Variants in CNTN4 observed in about 807,000 individuals in gnomAD.
CNTN4 encodes contactin 4, also known as contactin-4.
Under a neutral mutation model 122.5 loss-of-function variants are expected in CNTN4, and 77 were observed. That is an observed-to-expected ratio of 0.63 (90% confidence interval 0.52 to 0.76). The LOEUF (loss-of-function observed/expected upper bound fraction) is 0.76. CNTN4 is among the 30% of genes least tolerant of loss of function. CNTN4 has a pLI of 0.00. For synonymous variants in CNTN4, 512 were observed against 447.0 expected, an observed-to-expected ratio of 1.15 and a Z score of -1.83; for missense variants, 1,256 against 1,259.1, an observed-to-expected ratio of 1.00 and a Z score of 0.04.
At chr3:2,556,287 G>C (rs187272744) in intron 3 of CNTN4, among the ~76,000 whole-genome samples, 1 of 152,096 alleles carries the variant, frequency 6.6e-6, no homozygotes, top group African/African-American at 2.4e-5. Flanking sequence ...TCACCTTAAC[G>C]TCTGTTTTAA....
At chr3:2,916,791 C>A (rs891312406) in intron 12 of CNTN4, among the ~76,000 whole-genome samples, 1 of 149,404 alleles carries the variant, frequency 6.7e-6, no homozygotes, top group Non-Finnish European at 1.5e-5. Context: ...GCAGAGGGGC[C>A]CCCCACCTCC....
intron 7 of CNTN4, among the ~76,000 whole-genome samples, chr3:2,859,101 C>G (rs888095718): frequency 1.3e-5 from 2 of 152,224 alleles, no homozygotes; most frequent in African/African-American, 4.8e-5. Flanking sequence ...CAATTCTACT[C>G]TCTGTTTCTA....
intron 15 of CNTN4, among the ~76,000 whole-genome samples, 194 bp downstream of exon 15, chr3:3,026,471 A>G (rs2125639234): frequency 6.6e-6 from 1 of 152,272 alleles, no homozygotes; most frequent in East Asian, 1.9e-4. Flanking sequence ...CTGCTCCCTA[A>G]CTGGCACCAA....
chr3:2,936,429 A>G (rs2094567719), intron 13 of CNTN4, among the ~76,000 whole-genome samples: 2 of 152,176 alleles, frequency 1.3e-5, no homozygotes, highest in African/African-American at 2.4e-5. Flanking sequence ...CTTGTTTCCC[A>G]TAGGATTTTA....
At chr3:2,963,949 T>C (rs369961170) in intron 13 of CNTN4, among the ~76,000 whole-genome samples, 1 of 152,280 alleles carries the variant, frequency 6.6e-6, no homozygotes, top group Non-Finnish European at 1.5e-5. Context: ...ACAGAATAAA[T>C]TGTCTTTTCC....
intron 13 of CNTN4, among the ~76,000 whole-genome samples, chr3:2,936,517 A>C (rs1341071727): frequency 6.6e-6 from 1 of 152,192 alleles, no homozygotes; most frequent in Non-Finnish European, 1.5e-5. Flanking sequence ...TGAGATGACC[A>C]GTAAGGCTCT....
chr3:2,358,511 G>A (rs1575453350), intron 3 of CNTN4, among the ~76,000 whole-genome samples: 1 of 151,646 alleles, frequency 6.6e-6, no homozygotes, highest in Non-Finnish European at 1.5e-5. Flanking sequence ...AGTTTTAATT[G>A]TAATCAAAAC....
At chr3:2,589,964 T>A (rs1184254506) in intron 4 of CNTN4, among the ~76,000 whole-genome samples, 2 of 152,122 alleles carry the variant, frequency 1.3e-5, no homozygotes, top group East Asian at 3.9e-4. Flanking sequence ...TATAAGCGAG[T>A]CATTATTTTC....
At chr3:2,494,146 T>C (rs907308770) in intron 3 of CNTN4, among the ~76,000 whole-genome samples, 1 of 152,134 alleles carries the variant, frequency 6.6e-6, no homozygotes, top group Non-Finnish European at 1.5e-5. Context: ...CTGTAAAATA[T>C]TGGAAAGGAT....
chr3:2,745,675 A>G lies in CNTN4; in HGVS notation c.336A>G (p.Arg112=). 1.2e-6 allele frequency: 2 copies of G among 1,614,126 alleles called. No homozygotes were observed. The highest frequency in any genetic ancestry group is 1.7e-6 in the Non-Finnish European group (2 of 1,179,974). Residue 112 remains arginine, a synonymous_variant, in exon 6 of 25, where the codon AGA becomes AGG. Transcript: ENST00000418658. ...ACTCGTTTGGAACAATTGTTAGCAG[A>G]GAAGCAAAGCTTCAGTTTGCTTGTA... The part of the protein sequence containing the change: ...ATNSFGTIVS[R]EAKLQFAYLD...
intron 10 of CNTN4, among the ~76,000 whole-genome samples, chr3:2,892,908 G>A (rs1198452060): frequency 2.6e-5 from 4 of 152,188 alleles, no homozygotes; most frequent in Non-Finnish European, 4.4e-5. Flanking sequence ...GTAATGCAGT[G>A]AATGGGAATC....
chr3:2,137,854 G>A (rs2034779187), intron 2 of CNTN4, among the ~76,000 whole-genome samples: 1 of 152,160 alleles, frequency 6.6e-6, no homozygotes, highest in South Asian at 2.1e-4. Flanking sequence ...CTGCATCTGA[G>A]TGTTGCAACT....
At chr3:2,497,817 T>C (rs1033612503) in intron 3 of CNTN4, among the ~76,000 whole-genome samples, 1 of 152,212 alleles carries the variant, frequency 6.6e-6, no homozygotes, top group African/African-American at 2.4e-5. Context: ...ATCTGTTATC[T>C]TTCTCCCTCC....
intron 14 of CNTN4, among the ~76,000 whole-genome samples, chr3:3,013,276 C>CA (rs1337844136): frequency 3.9e-5 from 6 of 152,158 alleles, no homozygotes; most frequent in Non-Finnish European, 8.8e-5. Flanking sequence ...CATGCCTAAT[C>CA]AGTGCTGTAT....
At chr3:2,748,302 G>A (rs2089906001) in intron 6 of CNTN4, among the ~76,000 whole-genome samples, 1 of 152,110 alleles carries the variant, frequency 6.6e-6, no homozygotes, top group Non-Finnish European at 1.5e-5. Context: ...TTCATCCAGT[G>A]CTACCCAACC....
chr3:2,369,449 A>C (rs1448487164), intron 3 of CNTN4, among the ~76,000 whole-genome samples: 1 of 152,234 alleles, frequency 6.6e-6, no homozygotes, highest in East Asian at 1.9e-4. Context: ...TAAATGACAG[A>C]TATTGATATG....
At chr3:2,400,352 A>G (rs2046794039) in intron 3 of CNTN4, among the ~76,000 whole-genome samples, 1 of 145,556 alleles carries the variant, frequency 6.9e-6, no homozygotes, top group African/African-American at 2.5e-5. Flanking sequence ...ATATATATAT[A>G]TGTGGGTGGG....
At chr3:2,583,814 A>G (rs183001141) in intron 4 of CNTN4, among the ~76,000 whole-genome samples, 1 of 152,320 alleles carries the variant, frequency 6.6e-6, no homozygotes, top group East Asian at 1.9e-4. Context: ...GATTTAGTCC[A>G]TGAATTTAAG....
At chr3:3,026,396 T>A in intron 15 of CNTN4, 119 bp downstream of exon 15, 1 of 839,180 alleles carries the variant, frequency 1.2e-6, no homozygotes, top group Non-Finnish European at 2.0e-6. Context: ...AACTCTTGGT[T>A]AATTCCTGCT....
Sources: allele counts gnomAD v4.1 joint callset (sites outside exome capture counted in the v4.1 genomes callset), GRCh38; gene constraint gnomAD v4.1.1; transcripts MANE v1.5; gene names NCBI Gene and HGNC (gene_info 2026-07-23, HGNC 2026-07-21).